The following DLG4 variants were observed in gnomAD, a reference collection of about 807,000 sequenced individuals.
DLG4 encodes disks large homolog 4.
In DLG4, 7 loss-of-function variants were observed where a neutral mutation model predicts 93.8. The observed-to-expected ratio is 0.07, with a 90% CI of 0.04 to 0.14. The LOEUF (loss-of-function observed/expected upper bound fraction) is 0.14, where lower values mean the gene tolerates loss of function less well. DLG4 is among the 10% of genes least tolerant of loss of function. The probability of loss-of-function intolerance (pLI) is 1.00; values close to 1 mark genes in which losing one functional copy is unlikely to be tolerated. For missense variants in DLG4, 545 were observed against 992.9 expected (o/e 0.55, Z 6.06); for synonymous variants, 341 against 387.6 (o/e 0.88, Z 1.41).
At position 7,203,978 on chromosome 17, in the gene DLG4, C is replaced by T. The variant is rs372209844; in HGVS notation, c.210+30G>A. 41 of 1,607,832 alleles carry T rather than the reference C, an allele frequency of 2.6e-5. No homozygotes were observed. Among genetic ancestry groups the T allele is most frequent in the South Asian group, 5.6e-5 (5 of 89,914 alleles). ...AAAGAAAGGTACAGACGGGAGGCCA[C>T]GGGGACTGCCGATGGAGGAGCCTGC... On this transcript the variant is annotated intron_variant, in intron 4 of 19. Transcript: ENST00000399506. The surrounding 1 kb of genome is among the most constrained non-coding windows in gnomAD (Gnocchi z 7.2).
chr17:7,193,871 C>A lies in DLG4; in HGVS notation c.1516G>T (p.Asp506Tyr). The change falls in exon 14 of 20, where the codon GAC (aspartate) becomes TAC (tyrosine). Residue 506 changes from aspartate (D) to tyrosine (Y), a missense_variant and splice_region_variant. Transcript: ENST00000399506. This position sits in a 1 kb window ranked among gnomAD's most constrained non-coding sequence, Gnocchi z 6.7. Reference sequence around the variant, plus strand: ...TGCGATCCAGAGCTGGAGCCCCAGTCCTAAGAAGAAAAAGCAGGCCACGGG... The same window carrying A: ...TGCGATCCAGAGCTGGAGCCCCAGTACTAAGAAGAAAAAGCAGGCCACGGG... ...RREWSRLKAK[D>Y]WGSSSGSQGR... The A allele has an allele frequency of 6.2e-7, 1 of 1,612,586 alleles. No homozygotes were observed. The highest frequency in any genetic ancestry group is 8.5e-7 in the Non-Finnish European group (1 of 1,179,314).
upstream of DLG4, chr17:7,219,974 G>T (rs780021266): frequency 3.7e-5 from 59 of 1,599,786 alleles, no homozygotes; most frequent in East Asian, 1.3e-3. Context: ...GGCGCCCGGA[G>T]AGATTCGGAG....
chr17:7,191,726 G>A lies in DLG4; in HGVS notation c.1976+167C>T. 1 of 569,198 alleles carries A rather than the reference G, an allele frequency of 1.8e-6. No individual in the cohort carries two copies. Among genetic ancestry groups the A allele is most frequent in the Non-Finnish European group, 3.1e-6 (1 of 318,146 alleles). 35.3% of individuals were successfully genotyped at this position (569,198 alleles called of 1,614,324 possible). The stretch of plus-strand genomic sequence containing the variant: ...TGTCTAGCCAAGGCAGGAGAGGAGG[G>A]GAAAGACCCGATTCCCCCACATCCT... On this transcript the variant is annotated intron_variant, in intron 18 of 19. Coordinates refer to ENST00000399506, the MANE Select transcript of DLG4 (RefSeq NM_001321075.3). The surrounding 1 kb of genome is among the most constrained non-coding windows in gnomAD (Gnocchi z 6.6).
chr17:7,198,411 A>G (rs562507045), intron 8 of DLG4, among the ~76,000 whole-genome samples: 72 of 141,152 alleles, frequency 5.1e-4, no homozygotes, highest in African/African-American at 1.8e-3. Flanking sequence ...TGAACCCAGG[A>G]GGCGGAGGTT....
At chr17:7,212,167 C>A (rs1004411266) in intron 1 of DLG4, among the ~76,000 whole-genome samples, 1 of 144,704 alleles carries the variant, frequency 6.9e-6, no homozygotes, top group Non-Finnish European at 1.5e-5. Context: ...CTCACAAGAA[C>A]CCCCAAGGGA....
At position 7,196,447 on chromosome 17, in the gene DLG4, A is replaced by G; in HGVS notation, c.1186+26T>C. 6.2e-7 allele frequency: 1 copy of G among 1,613,206 alleles called. No homozygotes were observed. The highest frequency in any genetic ancestry group is 1.1e-5 in the South Asian group (1 of 91,058). On this transcript the variant is annotated intron_variant, in intron 10 of 19. Coordinates refer to ENST00000399506, the MANE Select transcript of DLG4 (RefSeq NM_001321075.3). This position sits in a 1 kb window ranked among gnomAD's most constrained non-coding sequence, Gnocchi z 8.3. ...AGTTCTAAGGGCCATTTCAGCTCAC[A>G]AGACAAGGAACTTCCGGCCTGGTAC...
chr17:7,219,180 A>G (rs1254510833), upstream of DLG4: 7 of 373,128 alleles, frequency 1.9e-5, no homozygotes, highest in East Asian at 5.5e-5. Context: ...TTGCAGAAAA[A>G]GGGGTAGAAA....
rs982251458 is a variant in DLG4 at position 7,203,531 on chromosome 17, G to A, written c.398C>T (p.Ala133Val). Residue 133 changes from alanine (A) to valine (V), a missense_variant, in exon 6 of 20, where the codon GCG becomes GTG. Coordinates refer to ENST00000399506, the MANE Select transcript of DLG4 (RefSeq NM_001321075.3). This position sits in a 1 kb window ranked among gnomAD's most constrained non-coding sequence, Gnocchi z 7.2. ...VDVREVTHSA[A>V]VEALKEAGSI... ...GCCTGCCTCTTTGAGGGCTTCCACC[G>A]CCGCTGAGTGGGTCACCTCGCGCAC... The A allele has an allele frequency of 1.9e-6, 3 of 1,613,400 alleles. No homozygotes were observed. The highest frequency in any genetic ancestry group is 2.2e-5 in the East Asian group (1 of 44,866).
chr17:7,207,090 T>G (rs2070497498), intron 2 of DLG4, among the ~76,000 whole-genome samples: 1 of 146,744 alleles, frequency 6.8e-6, no homozygotes, highest in Non-Finnish European at 1.5e-5. Context: ...GGGAAACAGG[T>G]GGTGGGGGAT....
upstream of DLG4, chr17:7,219,313 G>A: frequency 1.2e-6 from 1 of 841,398 alleles, no homozygotes; most frequent in Non-Finnish European, 1.5e-6. Context: ...ATGGTCTCTG[G>A]AAGGAACAGA....
intron 2 of DLG4, among the ~76,000 whole-genome samples, chr17:7,207,203 G>A (rs954933931): frequency 3.9e-5 from 6 of 151,992 alleles, no homozygotes; most frequent in African/African-American, 1.5e-4. Flanking sequence ...AGATGAATAG[G>A]CAAGAGGGAA....
chr17:7,192,460 T>G (rs569330917), intron 17 of DLG4: 86 of 104,096 alleles, frequency 8.3e-4, no homozygotes, highest in African/African-American at 2.9e-3. Flanking sequence ...TGGGAGGGAG[T>G]GAGGCAGATG....
chr17:7,201,718 TAAA>T (rs1013135656), intron 8 of DLG4, among the ~76,000 whole-genome samples: 2 of 151,902 alleles, frequency 1.3e-5, no homozygotes, highest in African/African-American at 4.8e-5. Flanking sequence ...CTGTCTCCAC[TAAA>T]ACTACAAAAA....
chr17:7,206,807 G>T (rs1365442494), intron 2 of DLG4, among the ~76,000 whole-genome samples: 7 of 151,966 alleles, frequency 4.6e-5, no homozygotes, highest in African/African-American at 1.7e-4. Context: ...CGCTCCCTAG[G>T]CTCAGAGACC....
At chr17:7,219,874 G>A, upstream of DLG4, 1 of 1,540,198 alleles carries the variant, frequency 6.5e-7, no homozygotes, top group South Asian at 1.2e-5. Context: ...ACCGTCCGCC[G>A]CCCGGTGCAC....
rs764600306 is a variant in DLG4 at position 7,203,009 on chromosome 17, A to G, written c.681T>C (p.Asp227=). Reference sequence around the variant, plus strand: ...ACGTGTTCTTCAGGGCTGCCACAGCATCTTCATGCATGACGTCCTCTAGCC... The same window carrying G: ...ACGTGTTCTTCAGGGCTGCCACAGCGTCTTCATGCATGACGTCCTCTAGCC... The part of the protein sequence containing the change: ...SVGLEDVMHE[D]AVAALKNTYD... Residue 227 remains aspartate (D), a synonymous_variant, in exon 8 of 20, where the codon GAT becomes GAC. Transcript: ENST00000399506. This position sits in a 1 kb window ranked among gnomAD's most constrained non-coding sequence, Gnocchi z 7.2. 6.2e-7 allele frequency: 1 copy of G among 1,612,174 alleles called. No homozygotes were observed. Among genetic ancestry groups the G allele is most frequent in the Non-Finnish European group, 8.5e-7 (1 of 1,178,364 alleles).
intron 2 of DLG4, chr17:7,204,927 A>G: frequency 1.0e-6 from 1 of 984,798 alleles, no homozygotes; most frequent in Non-Finnish European, 1.2e-6. Flanking sequence ...AGGACCAGTC[A>G]AGACCCGGGG....
At chr17:7,197,774 C>A (rs934068301) in intron 8 of DLG4, among the ~76,000 whole-genome samples, 3 of 152,164 alleles carry the variant, frequency 2.0e-5, no homozygotes, top group African/African-American at 7.2e-5. Flanking sequence ...CATGAGCCAC[C>A]TTGACCAGCC....
At chr17:7,214,748 A>AGGGGGAGGGACG (rs1401874063) in intron 1 of DLG4, among the ~76,000 whole-genome samples, 1 of 152,188 alleles carries the variant, frequency 6.6e-6, no homozygotes, top group Non-Finnish European at 1.5e-5. Context: ...GCGCGGGGAA[A>AGGGGGAGGGACG]GGGGGAGGGA....
Sources: allele counts gnomAD v4.1 joint callset (sites outside exome capture counted in the v4.1 genomes callset), GRCh38; gene constraint gnomAD v4.1.1; non-coding constraint Gnocchi (gnomAD v3.1); transcripts MANE v1.5; gene names NCBI Gene and HGNC (gene_info 2026-07-23, HGNC 2026-07-21).